The following SCAPER variants were observed in gnomAD, a reference collection of about 807,000 sequenced individuals.
SCAPER encodes the protein S-phase cyclin A associated protein in the ER, also known as S phase cyclin A-associated protein in the endoplasmic reticulum.
Under a neutral mutation model 182.2 loss-of-function variants are expected in SCAPER, and 98 were observed. The ratio of observed to expected loss-of-function variants is 0.54; its 90% CI spans 0.46 to 0.64. SCAPER has a LOEUF of 0.64. Among genes scored for constraint, SCAPER ranks in the 30% least tolerant of loss-of-function variants. The probability of loss-of-function intolerance (pLI) is 0.00; values close to 1 mark genes in which losing one functional copy is unlikely to be tolerated. For synonymous variants in SCAPER, 605 were observed against 564.6 expected, an observed-to-expected ratio of 1.07 and a Z score of -1.01; for missense variants, 1,432 against 1,690.0, an observed-to-expected ratio of 0.85 and a Z score of 2.68.
At chr15:76,886,959 A>G (rs2073873399) in intron 1 of SCAPER, among the ~76,000 whole-genome samples, 1 of 152,194 alleles carries the variant, frequency 6.6e-6, no homozygotes, top group South Asian at 2.1e-4. Context: ...ATGAGAACAC[A>G]TGGACACATA....
At chr15:76,902,954 A>G (rs544743940) in intron 1 of SCAPER, among the ~76,000 whole-genome samples, 5 of 152,110 alleles carry the variant, frequency 3.3e-5, no homozygotes, top group Admixed American at 6.5e-5. Context: ...CCAGCTACTC[A>G]GGAAGCTGAG....
chr15:76,480,753 C>T (rs1039595793), intron 24 of SCAPER, among the ~76,000 whole-genome samples: 14 of 151,088 alleles, frequency 9.3e-5, no homozygotes, highest in South Asian at 2.1e-4. Flanking sequence ...TTTTTTGAGA[C>T]GGAGTCTCCC....
chr15:76,903,056 G>T (rs2074883387), intron 1 of SCAPER, among the ~76,000 whole-genome samples: 2 of 76,066 alleles, frequency 2.6e-5, no homozygotes, highest in African/African-American at 3.4e-5. Context: ...GTGAGACTCG[G>T]TTTCAAAAAA....
chr15:76,547,870 T>C (rs768702736), intron 23 of SCAPER, among the ~76,000 whole-genome samples: 19 of 152,190 alleles, frequency 1.2e-4, no homozygotes, highest in African/African-American at 4.6e-4. Flanking sequence ...TTCTTTAAAA[T>C]TGGTTTGGTT....
chr15:76,766,409 A>G (rs916081051), intron 11 of SCAPER, among the ~76,000 whole-genome samples: 1 of 152,008 alleles, frequency 6.6e-6, no homozygotes, highest in African/African-American at 2.4e-5. Context: ...TTTTGTTAAT[A>G]GAATACAAAA....
intron 26 of SCAPER, among the ~76,000 whole-genome samples, chr15:76,414,675 A>G (rs1211291728): frequency 2.0e-5 from 3 of 152,200 alleles, no homozygotes; most frequent in African/African-American, 4.8e-5. Context: ...TTTAACACCA[A>G]TAAAGAGGAA....
At chr15:76,903,397 C>G (rs1224229516) in intron 1 of SCAPER, among the ~76,000 whole-genome samples, 6 of 152,122 alleles carry the variant, frequency 3.9e-5, no homozygotes, top group Non-Finnish European at 8.8e-5. Context: ...TGTGGAAATC[C>G]TAGTTTCCAA....
At chr15:76,805,539 T>C (rs1784629666) in intron 5 of SCAPER, among the ~76,000 whole-genome samples, 1 of 149,612 alleles carries the variant, frequency 6.7e-6, no homozygotes, top group Admixed American at 6.7e-5. Flanking sequence ...TTCATGTACA[T>C]TAGACATTTG....
At chr15:76,652,221 C>G (rs1202109770) in intron 21 of SCAPER, among the ~76,000 whole-genome samples, 3 of 123,330 alleles carry the variant, frequency 2.4e-5, no homozygotes. Context: ...AGTTCGAGAC[C>G]AGCCTGGCCA....
rs574781871 is a variant in SCAPER, at chr15:76,618,448, G to A, written c.2711+3316C>T. Among the ~76,000 whole-genome samples, 4 of 151,984 alleles carry A rather than the reference G, an allele frequency of 2.6e-5. No individual in the cohort carries two copies. The South Asian group carries it at 8.3e-4, about 32-fold the overall frequency. ...CTCTTTAGAATGATTTTAGATCTAT[G>A]AAAAAAAGGTTGCTATTTTACAGGA... On this transcript the variant is annotated intron_variant, in intron 22 of 31. Transcript: ENST00000563290.
intron 3 of SCAPER, among the ~76,000 whole-genome samples, chr15:76,858,820 C>CA (rs2071626697): frequency 7.6e-6 from 1 of 132,298 alleles, no homozygotes; most frequent in African/African-American, 2.8e-5. Flanking sequence ...TTTATGGCTA[C>CA]GTAGTAGTCC....
At chr15:76,456,840 T>C (rs930741685) in intron 25 of SCAPER, among the ~76,000 whole-genome samples, 4 of 152,224 alleles carry the variant, frequency 2.6e-5, no homozygotes, top group Non-Finnish European at 5.9e-5. Context: ...ATCCTATTAA[T>C]AGGCAATGCC....
At chr15:76,421,729 T>G (rs944659292) in intron 26 of SCAPER, among the ~76,000 whole-genome samples, 6 of 152,236 alleles carry the variant, frequency 3.9e-5, no homozygotes, top group African/African-American at 1.2e-4. Flanking sequence ...TGCCTAGGTT[T>G]TCCTCTAGGG....
intron 25 of SCAPER, among the ~76,000 whole-genome samples, chr15:76,440,705 C>T (rs537257966): frequency 1.3e-5 from 2 of 152,156 alleles, no homozygotes; most frequent in African/African-American, 4.8e-5. Context: ...ATTTCCTATA[C>T]GAAACAGTCA....
chr15:76,447,148 T>C (rs2048055284), intron 25 of SCAPER, among the ~76,000 whole-genome samples: 1 of 152,164 alleles, frequency 6.6e-6, no homozygotes, highest in Non-Finnish European at 1.5e-5. Flanking sequence ...GAAGCTTCCA[T>C]AAAAACCCAA....
chr15:76,460,094 TTC>T (rs1255346886), intron 25 of SCAPER, among the ~76,000 whole-genome samples: 2 of 152,106 alleles, frequency 1.3e-5, no homozygotes, highest in Non-Finnish European at 2.9e-5. Flanking sequence ...ATGATTTTTT[TTC>T]TGTTTCTATG....
intron 1 of SCAPER, among the ~76,000 whole-genome samples, chr15:76,904,962 G>GC (rs1181060474): frequency 6.6e-6 from 1 of 152,178 alleles, no homozygotes; most frequent in Non-Finnish European, 1.5e-5. Flanking sequence ...TGACGCGGCA[G>GC]CCCCCCACTC....
At chr15:76,852,073 AAG>A (rs1255910937) in intron 4 of SCAPER, among the ~76,000 whole-genome samples, 1 of 152,180 alleles carries the variant, frequency 6.6e-6, no homozygotes. Flanking sequence ...TGGGCCAACA[AAG>A]ATCAAAAAAA....
intron 15 of SCAPER, among the ~76,000 whole-genome samples, chr15:76,748,973 CTCTA>C (rs1442465589): frequency 6.6e-6 from 1 of 151,560 alleles, no homozygotes; most frequent in Non-Finnish European, 1.5e-5. Context: ...ACACAAACAA[CTCTA>C]AAAAAATTGA....
Sources: gnomAD v4.1 joint callset for allele counts (sites outside exome capture counted in the v4.1 genomes callset) on GRCh38, gnomAD v4.1.1 for gene constraint, MANE v1.5 for transcripts, NCBI Gene and HGNC (gene_info 2026-07-23, HGNC 2026-07-21) for gene names.